HHLA2: variants seen among roughly 807,000 people sequenced by gnomAD.
HHLA2 encodes HERV-H LTR-associating protein 2.
A neutral mutation model predicts 45.9 loss-of-function variants in HHLA2; 48 were observed. The observed-to-expected ratio is 1.05, with a 90% CI of 0.83 to 1.33. HHLA2 has a LOEUF of 1.33. Among genes scored for constraint, HHLA2 ranks in the 40% most tolerant of loss-of-function variants. The pLI, the probability that HHLA2 is intolerant of heterozygous loss-of-function variation, is 0.00. For synonymous variants in HHLA2, 161 were observed against 173.9 expected, an observed-to-expected ratio of 0.93 and a Z score of 0.59; for missense variants, 462 against 494.3, an observed-to-expected ratio of 0.93 and a Z score of 0.62.
At chr3:108,334,904 C>G (rs151039933) in intron 3 of HHLA2, among the ~76,000 whole-genome samples, 1 of 152,206 alleles carries the variant, frequency 6.6e-6, no homozygotes. Flanking sequence ...GAAAAGCTGT[C>G]CAGCATATCA....
At chr3:108,373,195 A>G (rs951752993) in intron 8 of HHLA2, among the ~76,000 whole-genome samples, 2 of 152,216 alleles carry the variant, frequency 1.3e-5, no homozygotes, top group Admixed American at 6.5e-5. Flanking sequence ...AATAAACGTA[A>G]TCCAGCATAT....
intron 3 of HHLA2, among the ~76,000 whole-genome samples, chr3:108,347,290 C>T (rs2081680445): frequency 6.6e-6 from 1 of 152,172 alleles, no homozygotes. Context: ...AATACTTTAT[C>T]TTAGATGATA....
At chr3:108,333,054 G>T (rs917920307) in intron 3 of HHLA2, among the ~76,000 whole-genome samples, 1 of 152,152 alleles carries the variant, frequency 6.6e-6, no homozygotes, top group African/African-American at 2.4e-5. Context: ...GCATTCTGGT[G>T]CAGAAATTTA....
intron 3 of HHLA2, among the ~76,000 whole-genome samples, chr3:108,347,184 A>T (rs980036318): frequency 1.3e-5 from 2 of 152,216 alleles, no homozygotes; most frequent in African/African-American, 4.8e-5. Context: ...AGGGCCAAAT[A>T]CTCATTAACT....
intron 2 of HHLA2, among the ~76,000 whole-genome samples, chr3:108,324,853 C>T (rs1258376069): frequency 6.6e-6 from 1 of 152,120 alleles, no homozygotes; most frequent in African/African-American, 2.4e-5. Context: ...TTCTGTTTCT[C>T]CCCCTACCTC....
intron 8 of HHLA2, among the ~76,000 whole-genome samples, chr3:108,364,769 T>C (rs1220618872): frequency 1.3e-5 from 2 of 152,256 alleles, no homozygotes; most frequent in Admixed American, 1.3e-4. Context: ...CTTTTTCATA[T>C]GTTTGTTGGC....
chr3:108,346,746 G>A (rs1016444333), intron 3 of HHLA2, among the ~76,000 whole-genome samples: 4 of 152,262 alleles, frequency 2.6e-5, no homozygotes, highest in Admixed American at 6.5e-5. Context: ...GGTTTTGAGC[G>A]TTACTAATGT....
intron 6 of HHLA2, 62 bp from the exon 6 acceptor site, chr3:108,357,782 C>T (rs2081920281): frequency 7.3e-7 from 1 of 1,363,354 alleles, no homozygotes. Flanking sequence ...CTAAGTGTAA[C>T]TTAGAGAATT....
chr3:108,365,799 T>C (rs916022932), intron 8 of HHLA2, among the ~76,000 whole-genome samples: 5 of 152,230 alleles, frequency 3.3e-5, no homozygotes, highest in Non-Finnish European at 7.3e-5. Context: ...GTTATTGGTG[T>C]ATAGGAATGC....
chr3:108,362,734 A>G (rs1031255358), intron 8 of HHLA2, among the ~76,000 whole-genome samples: 1 of 152,184 alleles, frequency 6.6e-6, no homozygotes, highest in African/African-American at 2.4e-5. Flanking sequence ...ACTATTTTCA[A>G]TAAATAATTG....
intron 3 of HHLA2, among the ~76,000 whole-genome samples, chr3:108,337,039 GA>G (rs372291571): frequency 3.3e-5 from 5 of 152,034 alleles, no homozygotes; most frequent in African/African-American, 1.2e-4. Context: ...GATTTGAGGG[GA>G]AATGGCATTT....
chr3:108,376,638 C>G (rs772930602), intron 10 of HHLA2, 81 bp downstream of exon 9: 2 of 1,199,652 alleles, frequency 1.7e-6, no homozygotes. Context: ...CTGACTGATT[C>G]ACATATCATC....
At chr3:108,315,667 C>T (rs1287429077) in intron 2 of HHLA2, among the ~76,000 whole-genome samples, 1 of 152,184 alleles carries the variant, frequency 6.6e-6, no homozygotes, top group Non-Finnish European at 1.5e-5. Context: ...TTTTGGAAAG[C>T]ACCCCAGCTG....
rs191359966 is a variant in HHLA2, at chr3:108,335,791, G to A, written c.-27+7444G>A. 2.7e-3 allele frequency among the ~76,000 whole-genome samples: 409 copies of A among 152,162 alleles called. 4 individuals are homozygous for A. The highest frequency in any genetic ancestry group is 9.4e-3 in the African/African-American group (392 of 41,528). On this transcript the variant is annotated intron_variant, in intron 3 of 10. Coordinates refer to ENST00000619531, the Ensembl canonical transcript of HHLA2. ...ATGAGCATCCAGATAGAACATGACT[G>A]AGGCAGCCACAAAAGTAGTGATAGG...
intron 8 of HHLA2, among the ~76,000 whole-genome samples, chr3:108,375,467 T>G (rs577089235): frequency 1.3e-5 from 2 of 151,810 alleles, no homozygotes; most frequent in Admixed American, 1.3e-4. Flanking sequence ...ACCCTAAAAC[T>G]TAAAAGAATA....
chr3:108,354,580 A>G (rs1429614548), intron 5 of HHLA2, among the ~76,000 whole-genome samples: 1 of 152,066 alleles, frequency 6.6e-6, no homozygotes, highest in Non-Finnish European at 1.5e-5. Flanking sequence ...ATTATAATAT[A>G]TAGAACAATC....
chr3:108,332,586 T>C (rs1026448589), intron 3 of HHLA2, among the ~76,000 whole-genome samples: 5 of 152,000 alleles, frequency 3.3e-5, no homozygotes, highest in African/African-American at 1.2e-4. Flanking sequence ...CAAACTGGAG[T>C]GTGTGCCCAA....
At chr3:108,312,949 A>G (rs2081045376) in intron 2 of HHLA2, among the ~76,000 whole-genome samples, 1 of 150,970 alleles carries the variant, frequency 6.6e-6, no homozygotes, top group African/African-American at 2.4e-5. Flanking sequence ...AAAAAAACAC[A>G]ACAGCTGAAC....
chr3:108,333,014 T>C (rs1413550108), intron 3 of HHLA2, among the ~76,000 whole-genome samples: 1 of 152,184 alleles, frequency 6.6e-6, no homozygotes, highest in African/African-American at 2.4e-5. Flanking sequence ...TTGGACTTCA[T>C]TGGAGTAAAA....
Sources: allele counts gnomAD v4.1 joint callset (sites outside exome capture counted in the v4.1 genomes callset), GRCh38; gene constraint gnomAD v4.1.1; transcripts MANE v1.5; gene names NCBI Gene and HGNC (gene_info 2026-07-23, HGNC 2026-07-21).